CYP7B1: variants seen among roughly 807,000 people sequenced by gnomAD.
CYP7B1 encodes cytochrome P450 7B1.
A neutral mutation model predicts 42.7 loss-of-function variants in CYP7B1; 29 were observed. The ratio of observed to expected loss-of-function variants is 0.68; its 90% CI spans 0.51 to 0.93. The LOEUF (loss-of-function observed/expected upper bound fraction) is 0.93, where lower values mean the gene tolerates loss of function less well. CYP7B1 is among the 40% of genes least tolerant of loss of function. CYP7B1 has a pLI of 0.00. For missense variants in CYP7B1, 655 were observed against 600.5 expected, an observed-to-expected ratio of 1.09 and a Z score of -0.95; for synonymous variants, 235 against 218.2, an observed-to-expected ratio of 1.08 and a Z score of -0.68.
chr8:64,622,365 C>T (rs763912512), intron 2 of CYP7B1, among the ~76,000 whole-genome samples: 27 of 151,998 alleles, frequency 1.8e-4, no homozygotes, highest in Non-Finnish European at 3.8e-4. Context: ...AAGGGTTGAG[C>T]TAAGAAAAAG....
chr8:64,666,795 C>T (rs1256241133), intron 1 of CYP7B1, among the ~76,000 whole-genome samples: 1 of 152,144 alleles, frequency 6.6e-6, no homozygotes, highest in Non-Finnish European at 1.5e-5. Context: ...ACCTTCCTTA[C>T]CAAATTACAT....
In CYP7B1 at chr8:64,798,591, G is replaced by C. The variant is rs940671532; in HGVS notation, c.-4C>G. On this transcript the variant is annotated 5_prime_UTR_variant, in exon 1 of 6. Coordinates refer to ENST00000310193, the MANE Select transcript of CYP7B1 (RefSeq NM_004820.5). ...CCGCGGACACTTCTCCTGCCATCCG[G>C]CGCGCGCTAGGCCGCGGTGGGCAGC... 5 of 1,462,518 alleles carry C rather than the reference G, an allele frequency of 3.4e-6. No individual in the cohort carries two copies. The African/African-American group carries it at 5.9e-5, about 17-fold the overall frequency. The allele number at this position is 1,462,518 out of a possible 1,614,324, so 90.6% of individuals were successfully genotyped here.
At chr8:64,712,331 C>G (rs938099214) in intron 1 of CYP7B1, among the ~76,000 whole-genome samples, 1 of 151,632 alleles carries the variant, frequency 6.6e-6, no homozygotes. Context: ...GCAGCAGCAG[C>G]ACTTGCATTC....
intron 1 of CYP7B1, among the ~76,000 whole-genome samples, chr8:64,763,337 G>A (rs1008509304): frequency 1.3e-4 from 20 of 152,140 alleles, no homozygotes; most frequent in African/African-American, 4.8e-4. Flanking sequence ...CATGGCCTAA[G>A]GTTCCATTCC....
At chr8:64,672,550 C>G (rs562189638) in intron 1 of CYP7B1, among the ~76,000 whole-genome samples, 7 of 152,178 alleles carry the variant, frequency 4.6e-5, no homozygotes, top group African/African-American at 1.4e-4. Context: ...TATGATTCTT[C>G]CTATCTGATG....
intron 1 of CYP7B1, among the ~76,000 whole-genome samples, chr8:64,653,607 T>C (rs1249763592): frequency 6.6e-6 from 1 of 152,062 alleles, no homozygotes; most frequent in Non-Finnish European, 1.5e-5. Flanking sequence ...CTGAAACTAT[T>C]TCAAAAATCG....
intron 1 of CYP7B1, among the ~76,000 whole-genome samples, chr8:64,637,398 C>G (rs1181063158): frequency 6.6e-6 from 1 of 152,190 alleles, no homozygotes; most frequent in African/African-American, 2.4e-5. Flanking sequence ...ACACAGCACA[C>G]GGTGCTGAGA....
chr8:64,619,037 T>C (rs1333724827), intron 2 of CYP7B1, among the ~76,000 whole-genome samples: 1 of 152,214 alleles, frequency 6.6e-6, no homozygotes, highest in Non-Finnish European at 1.5e-5. Flanking sequence ...GAAGTACTAA[T>C]AACCCTGGAG....
At chr8:64,625,352 C>T (rs1460572573) in intron 1 of CYP7B1, among the ~76,000 whole-genome samples, 1 of 152,184 alleles carries the variant, frequency 6.6e-6, no homozygotes, top group East Asian at 1.9e-4. Context: ...TGGATGACTG[C>T]CTGATAGTTA....
chr8:64,764,229 G>GCTCCCCCCCCCCCCCCCCCCCCCCCC (rs1554539986), intron 1 of CYP7B1, among the ~76,000 whole-genome samples: 7 of 125,150 alleles, frequency 5.6e-5, no homozygotes, highest in African/African-American at 2.1e-4. Context: ...CTTCCACGCT[G>GCTCCCCCCCCCCCCCCCCCCCCCCCC]CCCCCCCCAC....
intron 1 of CYP7B1, among the ~76,000 whole-genome samples, chr8:64,735,349 A>C (rs1807471210): frequency 6.6e-6 from 1 of 152,140 alleles, no homozygotes. Context: ...TTGTAAGAAA[A>C]ATTTATATCT....
At chr8:64,766,266 A>C (rs1253693819) in intron 1 of CYP7B1, among the ~76,000 whole-genome samples, 1 of 152,212 alleles carries the variant, frequency 6.6e-6, no homozygotes, top group Non-Finnish European at 1.5e-5. Context: ...GGAAAGGAAG[A>C]AAATCCTACT....
At chr8:64,767,807 G>C (rs536785291) in intron 1 of CYP7B1, among the ~76,000 whole-genome samples, 1 of 152,054 alleles carries the variant, frequency 6.6e-6, no homozygotes, top group Non-Finnish European at 1.5e-5. Flanking sequence ...ACTACAAATC[G>C]TTCTTCAAAT....
chr8:64,638,175 T>C (rs569094862), intron 1 of CYP7B1, among the ~76,000 whole-genome samples: 2 of 152,116 alleles, frequency 1.3e-5, no homozygotes, highest in Non-Finnish European at 2.9e-5. Context: ...TCCAAGTCTC[T>C]TTGTTTCAGT....
intron 1 of CYP7B1, among the ~76,000 whole-genome samples, chr8:64,777,119 T>A (rs938972382): frequency 2.7e-5 from 4 of 149,510 alleles, no homozygotes; most frequent in South Asian, 2.1e-4. Context: ...AGGAAAGACA[T>A]CTTCTCTATT....
intron 1 of CYP7B1, among the ~76,000 whole-genome samples, chr8:64,776,919 T>C (rs1255688546): frequency 6.6e-6 from 1 of 152,162 alleles, no homozygotes; most frequent in African/African-American, 2.4e-5. Context: ...GGTTCAATCA[T>C]ACTTTTGCAC....
chr8:64,722,573 A>G (rs1807255393), intron 1 of CYP7B1, among the ~76,000 whole-genome samples: 1 of 152,082 alleles, frequency 6.6e-6, no homozygotes, highest in Admixed American at 6.5e-5. Context: ...GAGATAACAC[A>G]GTAGTTTTTT....
At chr8:64,759,381 T>C (rs1807853622) in intron 1 of CYP7B1, among the ~76,000 whole-genome samples, 1 of 152,222 alleles carries the variant, frequency 6.6e-6, no homozygotes, top group Non-Finnish European at 1.5e-5. Flanking sequence ...TGGATAGACT[T>C]GCTGATGTTT....
intron 1 of CYP7B1, among the ~76,000 whole-genome samples, chr8:64,649,054 T>G (rs1805996979): frequency 6.6e-6 from 1 of 152,188 alleles, no homozygotes; most frequent in South Asian, 2.1e-4. Flanking sequence ...GTTAAGTATA[T>G]TCCCACTATT....
Sources: gnomAD v4.1 joint callset for allele counts (sites outside exome capture counted in the v4.1 genomes callset) on GRCh38, gnomAD v4.1.1 for gene constraint, MANE v1.5 for transcripts, NCBI Gene and HGNC (gene_info 2026-07-23, HGNC 2026-07-21) for gene names.